Variants in LAMB4 observed in about 807,000 individuals in gnomAD.
LAMB4 encodes laminin subunit beta-4.
LAMB4 carries 196 observed loss-of-function variants against 199.2 expected under a neutral mutation model. The observed-to-expected ratio is 0.98, with a 90% CI of 0.88 to 1.11. The LOEUF is 1.11. Among genes scored for constraint, LAMB4 ranks in the 50% least tolerant of loss-of-function variants. The probability of loss-of-function intolerance (pLI) is 0.00; values close to 1 mark genes in which losing one functional copy is unlikely to be tolerated. For missense variants in LAMB4, 2,080 were observed against 2,171.2 expected (o/e 0.96, Z 0.83); for synonymous variants, 744 against 770.6 (o/e 0.97, Z 0.57).
intron 3 of LAMB4, among the ~76,000 whole-genome samples, chr7:108,112,551 C>T (rs113454306): frequency 0.037 from 5,672 of 152,110 alleles, 149 homozygotes; most frequent in Non-Finnish European, 0.056. Context: ...CCTTGGCCTC[C>T]GAAAGTGATG....
At chr7:108,059,931 A>G (rs1265105429) in intron 23 of LAMB4, among the ~76,000 whole-genome samples, 1 of 152,172 alleles carries the variant, frequency 6.6e-6, no homozygotes, top group African/African-American at 2.4e-5. Flanking sequence ...GCTTTGTAAT[A>G]TCTGCAAATT....
intron 31 of LAMB4, among the ~76,000 whole-genome samples, chr7:108,033,426 G>A (rs1015927091): frequency 2.0e-5 from 3 of 151,942 alleles, no homozygotes; most frequent in Non-Finnish European, 2.9e-5. Context: ...TTGTTTGTTT[G>A]TTTTGAGACA....
the LAMB4 span, among the ~76,000 whole-genome samples, chr7:108,016,663 G>C: frequency 6.6e-6 from 1 of 152,144 alleles, no homozygotes; most frequent in Non-Finnish European, 1.5e-5. Flanking sequence ...GCTGATACCT[G>C]CATCTAGTGT....
intron 33 of LAMB4, among the ~76,000 whole-genome samples, chr7:108,028,442 C>G (rs1050757553): frequency 2.0e-5 from 3 of 151,762 alleles, no homozygotes; most frequent in East Asian, 1.9e-4. Flanking sequence ...ATCTCACCCC[C>G]CGTTGAGAAC....
At chr7:108,098,022 A>G (rs1370632742) in intron 11 of LAMB4, among the ~76,000 whole-genome samples, 1 of 152,156 alleles carries the variant, frequency 6.6e-6, no homozygotes, top group Non-Finnish European at 1.5e-5. Flanking sequence ...AGAGGTTGGC[A>G]GGATTCTTAG....
At chr7:108,031,630 T>G (rs1165078499) in intron 31 of LAMB4, among the ~76,000 whole-genome samples, 1 of 152,138 alleles carries the variant, frequency 6.6e-6, no homozygotes, top group African/African-American at 2.4e-5. Context: ...TTTTTTCACC[T>G]TATACAAATA....
At chr7:108,044,112 C>T in intron 28 of LAMB4, 1 of 425,170 alleles carries the variant, frequency 2.4e-6, no homozygotes, top group Non-Finnish European at 4.1e-6. Context: ...ATTAATTTAT[C>T]TTTTAGAACA....
chr7:108,101,557 T>A (rs1465055778), intron 10 of LAMB4, among the ~76,000 whole-genome samples: 2 of 152,216 alleles, frequency 1.3e-5, no homozygotes, highest in Admixed American at 6.5e-5. Flanking sequence ...TCTGTTAGTA[T>A]CCATGAAACA....
rs958868102 is a variant in LAMB4, at chr7:108,072,161, G to A, written c.2125-2276C>T. 2.0e-5 allele frequency among the ~76,000 whole-genome samples: 3 copies of A among 152,034 alleles called. No homozygotes were observed. The East Asian group carries it at 5.8e-4, about 29-fold the overall frequency. ...CCTTATAGCTTTTGAAAGTTCCATT[G>A]GATATTCATGAAGGAGAAAACCCTG... is the stretch of plus-strand genomic sequence containing the variant. On this transcript the variant is annotated intron_variant, in intron 17 of 33. Transcript: ENST00000388781.
At chr7:108,021,665 C>T (rs1264390783), downstream of LAMB4, among the ~76,000 whole-genome samples, 2 of 151,878 alleles carry the variant, frequency 1.3e-5, no homozygotes, top group Non-Finnish European at 1.5e-5. Flanking sequence ...GCCGAGATCA[C>T]ACCATTGCAC....
At chr7:108,067,291 A>G (rs977969529) in intron 19 of LAMB4, among the ~76,000 whole-genome samples, 2 of 152,232 alleles carry the variant, frequency 1.3e-5, no homozygotes, top group African/African-American at 4.8e-5. Flanking sequence ...CAGGAAGGGG[A>G]ACCATTTCTC....
chr7:108,118,782 A>T (rs1201605622), intron 2 of LAMB4, among the ~76,000 whole-genome samples: 1 of 152,156 alleles, frequency 6.6e-6, no homozygotes, highest in East Asian at 1.9e-4. Flanking sequence ...TAAAAGGAGA[A>T]TTTAGAAAAT....
rs755767546 is a variant in LAMB4 at position 108,111,947 on chromosome 7, C to G, written c.193-1G>C. ...CACAGATGAAGCATTTTTGTTCCCCCTGGAAAACACCATTATTAAAATTAA... is the reference window on the plus strand; with the variant it reads ...CACAGATGAAGCATTTTTGTTCCCCGTGGAAAACACCATTATTAAAATTAA... On this transcript the variant is annotated splice_acceptor_variant, in intron 3 of 33. Transcript: ENST00000388781. LOFTEE classifies it high-confidence loss of function. 4.0e-5 allele frequency: 64 copies of G among 1,584,534 alleles called. 1 individual carries two copies. The South Asian group carries it at 6.6e-4, about 16-fold the overall frequency.
At chr7:108,032,038 A>G (rs2035056296) in intron 31 of LAMB4, among the ~76,000 whole-genome samples, 1 of 152,172 alleles carries the variant, frequency 6.6e-6, no homozygotes, top group South Asian at 2.1e-4. Context: ...TAATGGTAAT[A>G]TCCTCTGTCT....
intron 1 of LAMB4, among the ~76,000 whole-genome samples, chr7:108,126,643 C>A (rs1279603258): frequency 7.2e-6 from 1 of 139,042 alleles, no homozygotes. Context: ...CGGCTCACTG[C>A]AAGCTCCGCT....
In LAMB4 at chr7:108,026,832, T is replaced by G. The variant is rs2034854775; in HGVS notation, c.5146+2211A>C. Reference sequence around the variant, plus strand: ...GAGAGGAACAGGCACAGCCTTGTGGTTCCGCCCCTTCTCAAGTGGCAGCAT... The same window carrying G: ...GAGAGGAACAGGCACAGCCTTGTGGGTCCGCCCCTTCTCAAGTGGCAGCAT... On this transcript the variant is annotated intron_variant, in intron 33 of 33. Coordinates refer to ENST00000388781, the MANE Select transcript of LAMB4 (RefSeq NM_007356.3). 3 of 509,846 alleles carry G rather than the reference T, an allele frequency of 5.9e-6. No homozygotes were observed. In the Admixed American group the frequency reaches 6.0e-5, roughly 10 times the overall value. 31.6% of individuals were successfully genotyped at this position (509,846 alleles called of 1,614,324 possible).
Position 108,116,117 on chromosome 7 carries a change from C to G in LAMB4, c.79G>C (p.Ala27Pro). The change falls in exon 3 of 34, where the codon GCC becomes CCC. Residue 27 changes from alanine (A) to proline (P), a missense_variant. Physicochemically the swap from Ala to Pro is conservative, Grantham distance 27 (BLOSUM62 -1). Coordinates refer to ENST00000388781, the MANE Select transcript of LAMB4 (RefSeq NM_007356.3). Reference protein sequence around the residue: ...SKAQDDCNRGACHPTTGDLLV... With the variant: ...SKAQDDCNRGPCHPTTGDLLV... ...AGATCACCAGTGGTGGGATGACAGG[C>G]ACCCCTGTTGCAGTCATCTTGAGCT... is the stretch of plus-strand genomic sequence containing the variant. 6 of 1,614,000 alleles carry G rather than the reference C, an allele frequency of 3.7e-6. No individual in the cohort carries two copies. Among genetic ancestry groups the G allele is most frequent in the Non-Finnish European group, 5.1e-6 (6 of 1,179,898 alleles).
chr7:108,091,898 G>A (rs1050409488), intron 13 of LAMB4, 122 bp from the exon 14 acceptor site: 1 of 948,874 alleles, frequency 1.1e-6, no homozygotes, highest in Admixed American at 2.4e-5. Flanking sequence ...TCAATCAATG[G>A]TCCTGTGGGA....
Position 108,066,449 on chromosome 7 carries a change from A to G in LAMB4, c.2598T>C (p.Asn866=). The change falls in exon 20 of 34, where the codon AAT becomes AAC. Residue 866 remains asparagine, a synonymous_variant. Coordinates refer to ENST00000388781, the MANE Select transcript of LAMB4 (RefSeq NM_007356.3). ...CAGGATCACAAAGTTCAGCAAACCTATTACAAGGGCAAGGGTGGCAGCTGG... is the reference window on the plus strand; with the variant it reads ...CAGGATCACAAAGTTCAGCAAACCTGTTACAAGGGCAAGGGTGGCAGCTGG... ...GFPSCHPCPC[N]RFAELCDPET... is the part of the protein sequence containing the mutation. 6.2e-7 allele frequency: 1 copy of G among 1,614,212 alleles called. No individual in the cohort carries two copies. The highest frequency in any genetic ancestry group is 8.5e-7 in the Non-Finnish European group (1 of 1,180,032).
Sources: gnomAD v4.1 joint callset for allele counts (sites outside exome capture counted in the v4.1 genomes callset) on GRCh38, gnomAD v4.1.1 for gene constraint, MANE v1.5 for transcripts, NCBI Gene and HGNC (gene_info 2026-07-23, HGNC 2026-07-21) for gene names.